Variants in FAM13A observed in about 807,000 individuals in gnomAD.
The protein encoded by FAM13A is family with sequence similarity 13 member A.
Under a neutral mutation model 129.6 loss-of-function variants are expected in FAM13A, and 76 were observed. That is an observed-to-expected ratio of 0.59 (90% CI 0.49 to 0.71). The LOEUF (loss-of-function observed/expected upper bound fraction) is 0.71, where lower values mean the gene tolerates loss of function less well. FAM13A is among the 30% of genes least tolerant of loss of function. The probability of loss-of-function intolerance (pLI) is 0.00; values close to 1 mark genes in which losing one functional copy is unlikely to be tolerated. For synonymous variants in FAM13A, 443 were observed against 449.9 expected (o/e 0.98, Z 0.20); for missense variants, 1,108 against 1,249.3 (o/e 0.89, Z 1.70).
chr4:88,935,305 A>G (rs1376214503), intron 5 of FAM13A, among the ~76,000 whole-genome samples: 1 of 152,200 alleles, frequency 6.6e-6, no homozygotes, highest in African/African-American at 2.4e-5. Context: ...ACATGCAAGA[A>G]TATATAAGAA....
intron 6 of FAM13A, among the ~76,000 whole-genome samples, chr4:88,888,267 T>C (rs1176949621): frequency 6.6e-6 from 1 of 152,244 alleles, no homozygotes; most frequent in African/African-American, 2.4e-5. Flanking sequence ...TTCTGCTTAT[T>C]TGAAACATAA....
At chr4:88,966,095 T>C (rs1449660450) in intron 4 of FAM13A, among the ~76,000 whole-genome samples, 2 of 152,234 alleles carry the variant, frequency 1.3e-5, no homozygotes, top group Admixed American at 1.3e-4. Flanking sequence ...GTGGTAGTTC[T>C]ATTTTTAATT....
At chr4:88,992,459 C>T (rs535687340) in intron 3 of FAM13A, among the ~76,000 whole-genome samples, 12 of 152,028 alleles carry the variant, frequency 7.9e-5, no homozygotes, top group Middle Eastern at 6.8e-3. Flanking sequence ...TTAGTAGAGA[C>T]GGCATTTCAC....
At chr4:88,840,895 C>T (rs1310142395) in intron 7 of FAM13A, among the ~76,000 whole-genome samples, 1 of 152,072 alleles carries the variant, frequency 6.6e-6, no homozygotes, top group Admixed American at 6.6e-5. Flanking sequence ...AAATAATATT[C>T]TTTTCAGCAA....
intron 4 of FAM13A, among the ~76,000 whole-genome samples, chr4:88,948,954 T>A (rs1340083405): frequency 6.6e-6 from 1 of 152,212 alleles, no homozygotes; most frequent in Non-Finnish European, 1.5e-5. Context: ...AGTCCTGATC[T>A]CTCTTGAGAA....
rs139095158 is a variant in FAM13A at position 88,979,545 on chromosome 4, T to C, written c.605+11428A>G. Among the ~76,000 whole-genome samples the C allele has an allele frequency of 6.0e-3, 919 of 152,240 alleles. 16 individuals carry two copies. Among genetic ancestry groups the C allele is most frequent in the African/African-American group, 0.02 (845 of 41,544 alleles). ...TTTCTGTGCTGCAAGTTTCCTCACGTGAAGAGATAATAATAGTACTTGCCT... is the reference window on the plus strand; with the variant it reads ...TTTCTGTGCTGCAAGTTTCCTCACGCGAAGAGATAATAATAGTACTTGCCT... On this transcript the variant is annotated intron_variant, in intron 4 of 23. Coordinates refer to ENST00000264344, the MANE Select transcript of FAM13A (RefSeq NM_014883.4).
At chr4:88,815,675 A>G (rs1447247908) in intron 7 of FAM13A, among the ~76,000 whole-genome samples, 3 of 152,180 alleles carry the variant, frequency 2.0e-5, no homozygotes, top group Non-Finnish European at 4.4e-5. Flanking sequence ...TGCCATTTTT[A>G]TGTGTAAAAA....
chr4:88,919,403 T>G (rs941270796), intron 5 of FAM13A, among the ~76,000 whole-genome samples: 2 of 152,232 alleles, frequency 1.3e-5, no homozygotes, highest in African/African-American at 4.8e-5. Context: ...CTCAGAATAG[T>G]TACTATGACT....
chr4:88,933,170 T>C (rs1051240261), intron 5 of FAM13A, among the ~76,000 whole-genome samples: 4 of 152,220 alleles, frequency 2.6e-5, no homozygotes, highest in Non-Finnish European at 5.9e-5. Context: ...AAGAAAGTCT[T>C]ATAACATGTT....
intron 3 of FAM13A, among the ~76,000 whole-genome samples, chr4:89,016,078 T>A (rs1766446372): frequency 6.6e-6 from 1 of 152,078 alleles, no homozygotes; most frequent in African/African-American, 2.4e-5. Context: ...CCACAAGTGT[T>A]ACTGTTCCTG....
chr4:88,812,525 C>T (rs1252433054), intron 7 of FAM13A, among the ~76,000 whole-genome samples: 1 of 152,142 alleles, frequency 6.6e-6, no homozygotes, highest in Non-Finnish European at 1.5e-5. Context: ...ACATGTTGTT[C>T]TTTCTACCTT....
chr4:88,758,873 G>A lies in FAM13A; in HGVS notation c.1607C>T (p.Pro536Leu). 1 of 1,613,852 alleles carries A rather than the reference G, an allele frequency of 6.2e-7. No individual in the cohort carries two copies. The highest frequency in any genetic ancestry group is 8.5e-7 in the Non-Finnish European group (1 of 1,179,874). ...ESPTMKIQEHPSLSDTKQQRN... is the reference protein window; with the variant it reads ...ESPTMKIQEHLSLSDTKQQRN... ...CTGCTGTTTGGTGTCAGATAGGCTGGGATGCTCCTGGATCTTCATTGTGGG... is the reference window on the plus strand; with the variant it reads ...CTGCTGTTTGGTGTCAGATAGGCTGAGATGCTCCTGGATCTTCATTGTGGG... The change falls in exon 14 of 24, where the codon CCC becomes CTC. Residue 536 changes from proline to leucine, a missense_variant. This residue lies in a region of FAM13A where 529 missense variants were observed against 621.2 expected (regional missense o/e 0.85). Coordinates refer to ENST00000264344, the MANE Select transcript of FAM13A (RefSeq NM_014883.4).
At chr4:88,837,428 A>C (rs1735003719) in intron 7 of FAM13A, among the ~76,000 whole-genome samples, 1 of 151,822 alleles carries the variant, frequency 6.6e-6, no homozygotes, top group African/African-American at 2.4e-5. Context: ...GAATATAGTC[A>C]GCCTTTGCCG....
At chr4:88,967,194 T>A (rs888443883) in intron 4 of FAM13A, among the ~76,000 whole-genome samples, 1 of 152,238 alleles carries the variant, frequency 6.6e-6, no homozygotes, top group Non-Finnish European at 1.5e-5. Flanking sequence ...ATTATTATAA[T>A]GATTATTTAT....
chr4:88,822,973 T>A (rs768585636), intron 7 of FAM13A: 4 of 1,612,736 alleles, frequency 2.5e-6, no homozygotes, highest in Non-Finnish European at 3.4e-6. Context: ...AGGAAAATAC[T>A]ACCTTTGCAG....
intron 7 of FAM13A, among the ~76,000 whole-genome samples, chr4:88,843,685 T>C (rs937096286): frequency 5.3e-5 from 8 of 152,242 alleles, no homozygotes; most frequent in African/African-American, 1.9e-4. Context: ...CTGATTCTCA[T>C]GAAATGCACT....
intron 3 of FAM13A, among the ~76,000 whole-genome samples, chr4:89,003,618 G>A (rs1764587921): frequency 6.6e-6 from 1 of 150,938 alleles, no homozygotes; most frequent in African/African-American, 2.4e-5. Context: ...CTGAATGACA[G>A]AATGAGTGGG....
intron 2 of FAM13A, among the ~76,000 whole-genome samples, chr4:89,028,245 GTTTATT>G (rs1481595715): frequency 6.8e-6 from 1 of 147,612 alleles, no homozygotes; most frequent in Non-Finnish European, 1.5e-5. Flanking sequence ...CTGATGAATT[GTTTATT>G]TCTAAAATTC....
intron 6 of FAM13A, among the ~76,000 whole-genome samples, chr4:88,887,078 T>C (rs1744548395): frequency 6.6e-6 from 1 of 152,084 alleles, no homozygotes; most frequent in Admixed American, 6.6e-5. Context: ...TTCTCATTCA[T>C]AAGTGGGAGC....
Sources: allele counts gnomAD v4.1 joint callset (sites outside exome capture counted in the v4.1 genomes callset), GRCh38; gene constraint gnomAD v4.1.1; regional missense constraint gnomAD v4.1.1; transcripts MANE v1.5; gene names NCBI Gene and HGNC (gene_info 2026-07-23, HGNC 2026-07-21).